ASXL3: variants seen among roughly 807,000 people sequenced by gnomAD.
ASXL3 encodes ASXL transcriptional regulator 3.
A neutral mutation model predicts 170.6 loss-of-function variants in ASXL3; 34 were observed. The observed-to-expected ratio is 0.20, with a 90% CI of 0.15 to 0.27. The LOEUF (loss-of-function observed/expected upper bound fraction) is 0.27. Among genes scored for constraint, ASXL3 ranks in the 10% least tolerant of loss-of-function variants. The pLI, the probability that ASXL3 is intolerant of heterozygous loss-of-function variation, is 1.00. For synonymous variants in ASXL3, 1,002 were observed against 989.1 expected (o/e 1.01, Z -0.24); for missense variants, 2,592 against 2,695.3 (o/e 0.96, Z 0.85).
chr18:33,676,222 C>CAAAAAAAAAAAAAAAAAAAAAAAAAAA lies in ASXL3; in HGVS notation c.715+4381_715+4382insAAAAAAAAAAAAAAAAAAAAAAAAAAA, dbSNP rs568221465. 4.6e-4 allele frequency among the ~76,000 whole-genome samples: 19 copies of CAAAAAAAAAAAAAAAAAAAAAAAAAAA among 41,722 alleles called. 1 individual carries two copies. The highest frequency in any genetic ancestry group is 6.1e-4 in the Non-Finnish European group (14 of 23,130). 27.4% of individuals were successfully genotyped at this position (41,722 alleles called of 152,430 possible). A position where few individuals can be genotyped will look rare whatever the true frequency, so the allele number is the denominator to read the frequency against. ...CTGGGTGACGAGCGAGACTCCGTCTCAAAAAAAAAAAAAAAAAAAAAAAAA... is the reference window on the plus strand; with the variant it reads ...CTGGGTGACGAGCGAGACTCCGTCTCAAAAAAAAAAAAAAAAAAAAAAAAAAAAAAAAAAAAAAAAAAAAAAAAAAAA... On this transcript the variant is annotated intron_variant, in intron 7 of 11. Transcript: ENST00000269197.
At chr18:33,602,915 A>G (rs781131910) in intron 1 of ASXL3, among the ~76,000 whole-genome samples, 3 of 151,258 alleles carry the variant, frequency 2.0e-5, no homozygotes, top group Non-Finnish European at 4.4e-5. Context: ...TATAACCCCA[A>G]AATCGTTTAC....
chr18:33,664,608 C>A (rs1371879925), intron 5 of ASXL3, among the ~76,000 whole-genome samples: 1 of 152,100 alleles, frequency 6.6e-6, no homozygotes, highest in African/African-American at 2.4e-5. Flanking sequence ...GCTTTATAAT[C>A]ATAAGTGGAG....
At chr18:33,735,794 CTTTT>C (rs879490336) in intron 10 of ASXL3, among the ~76,000 whole-genome samples, 131 of 152,156 alleles carry the variant, frequency 8.6e-4, no homozygotes, top group Admixed American at 4.0e-3. Flanking sequence ...TAGACCCATT[CTTTT>C]ATTAATTTAA....
intron 8 of ASXL3, among the ~76,000 whole-genome samples, chr18:33,701,909 T>G (rs907360308): frequency 1.3e-5 from 2 of 151,788 alleles, no homozygotes; most frequent in African/African-American, 2.4e-5. Flanking sequence ...TCCTGTCTTC[T>G]TTAGAGTGCA....
At chr18:33,674,003 T>C (rs2066388126) in intron 7 of ASXL3, among the ~76,000 whole-genome samples, 1 of 152,174 alleles carries the variant, frequency 6.6e-6, no homozygotes, top group South Asian at 2.1e-4. Context: ...TATAATGGAA[T>C]GGTCTAGGTA....
At chr18:33,579,246 C>A (rs1433951220) in intron 1 of ASXL3, 1 of 152,692 alleles carries the variant, frequency 6.5e-6, no homozygotes, top group Non-Finnish European at 1.5e-5. Context: ...TGTGTGCACA[C>A]TGATACGTGC....
chr18:33,719,745 TC>T (rs2067227715), intron 8 of ASXL3, among the ~76,000 whole-genome samples: 1 of 151,918 alleles, frequency 6.6e-6, no homozygotes, highest in Non-Finnish European at 1.5e-5. Context: ...ATCTAGCTAG[TC>T]CCTTCCACCA....
chr18:33,729,484 A>AAGAT (rs1375415212), intron 8 of ASXL3, among the ~76,000 whole-genome samples: 1 of 152,184 alleles, frequency 6.6e-6, no homozygotes, highest in African/African-American at 2.4e-5. Context: ...TCATGTAGCC[A>AAGAT]AGATGATATA....
intron 1 of ASXL3, among the ~76,000 whole-genome samples, chr18:33,598,848 G>A (rs1057382488): frequency 6.6e-6 from 1 of 152,092 alleles, no homozygotes; most frequent in African/African-American, 2.4e-5. Flanking sequence ...AAAGGCCTGG[G>A]TTCAGATCTT....
rs1211757510 is a variant in ASXL3 at position 33,739,844 on chromosome 18, A to C, written c.2440A>C (p.Ser814Arg). 1 of 1,613,864 alleles carries C rather than the reference A, an allele frequency of 6.2e-7. No homozygotes were observed. The change falls in exon 11 of 12, where the codon AGT becomes CGT. Residue 814 changes from serine to arginine, a missense_variant. By Grantham distance (110) the Ser-to-Arg change is moderately radical. Coordinates refer to ENST00000269197, the MANE Select transcript of ASXL3 (RefSeq NM_030632.3). ...TAATACTCCCGAACCCATCATAATG[A>C]GTTCTTCTTCCATTGCTCCTGAAGC... ...LSNTPEPIIMSSSSIAPEAFP... is the reference protein window; with the variant it reads ...LSNTPEPIIMRSSSIAPEAFP...
chr18:33,695,162 A>G (rs1027532733), intron 8 of ASXL3, among the ~76,000 whole-genome samples: 1 of 152,182 alleles, frequency 6.6e-6, no homozygotes, highest in African/African-American at 2.4e-5. Context: ...ATGTCAATTT[A>G]CTTAAAAGAT....
At chr18:33,631,721 A>C (rs1304903016) in intron 2 of ASXL3, among the ~76,000 whole-genome samples, 1 of 152,116 alleles carries the variant, frequency 6.6e-6, no homozygotes, top group Admixed American at 6.6e-5. Context: ...AAACACTGAC[A>C]CCTCAGCCCC....
At chr18:33,634,614 A>C (rs1441251599) in intron 2 of ASXL3, among the ~76,000 whole-genome samples, 1 of 152,178 alleles carries the variant, frequency 6.6e-6, no homozygotes, top group African/African-American at 2.4e-5. Context: ...TCTGTAGAGC[A>C]TGCACAGTTT....
intron 2 of ASXL3, among the ~76,000 whole-genome samples, chr18:33,614,035 C>T (rs1310188269): frequency 6.6e-6 from 1 of 152,056 alleles, no homozygotes; most frequent in African/African-American, 2.4e-5. Flanking sequence ...ATAGTGGTTG[C>T]TGAAGGATGG....
chr18:33,700,096 A>G (rs2066845109), intron 8 of ASXL3, among the ~76,000 whole-genome samples: 1 of 152,088 alleles, frequency 6.6e-6, no homozygotes, highest in Non-Finnish European at 1.5e-5. Context: ...TGGAGCAGGC[A>G]TAGGGGTAAC....
intron 2 of ASXL3, among the ~76,000 whole-genome samples, chr18:33,626,063 A>G (rs934274616): frequency 5.9e-5 from 9 of 152,096 alleles, no homozygotes; most frequent in Admixed American, 6.6e-5. Flanking sequence ...GGCAAGCGGA[A>G]AGGAAATAGT....
chr18:33,592,800 T>C (rs2065088813), intron 1 of ASXL3, among the ~76,000 whole-genome samples: 1 of 152,198 alleles, frequency 6.6e-6, no homozygotes, highest in Non-Finnish European at 1.5e-5. Context: ...GGTTAAGTTC[T>C]TTTGTGTTTT....
At chr18:33,626,282 A>T (rs1211126107) in intron 2 of ASXL3, among the ~76,000 whole-genome samples, 1 of 152,168 alleles carries the variant, frequency 6.6e-6, no homozygotes, top group Non-Finnish European at 1.5e-5. Flanking sequence ...TCATTTAAAA[A>T]AAAATCTTAC....
chr18:33,743,546 A>G lies in ASXL3; in HGVS notation c.3698A>G (p.Lys1233Arg). 2 of 1,613,300 alleles carry G rather than the reference A, an allele frequency of 1.2e-6. No homozygotes were observed. The highest frequency in any genetic ancestry group is 1.7e-6 in the Non-Finnish European group (2 of 1,179,882). Reference sequence around the variant, plus strand: ...AGCAGTGTGCCCATGCTTTTTAATAAAAATTCTGTCCCTGTATCTGTTTGC... The same window carrying G: ...AGCAGTGTGCCCATGCTTTTTAATAGAAATTCTGTCCCTGTATCTGTTTGC... The part of the protein sequence containing the change: ...ENSSVPMLFN[K>R]NSVPVSVCST... The change falls in exon 12 of 12, where the codon AAA becomes AGA. Residue 1233 changes from lysine (K) to arginine (R), a missense_variant. This residue lies in a region of ASXL3 where 2,246 missense variants were observed against 2,219.6 expected (regional missense o/e 1.01). Transcript: ENST00000269197.
Sources: gnomAD v4.1 joint callset for allele counts (sites outside exome capture counted in the v4.1 genomes callset) on GRCh38, gnomAD v4.1.1 for gene constraint, gnomAD v4.1.1 regional missense constraint, MANE v1.5 for transcripts, NCBI Gene and HGNC (gene_info 2026-07-23, HGNC 2026-07-21) for gene names.